TREM2: variants seen among roughly 807,000 people sequenced by gnomAD.
TREM2 encodes triggering receptor expressed on monocytes 2.
A neutral mutation model predicts 22.9 loss-of-function variants in TREM2; 20 were observed. That is an observed-to-expected ratio of 0.87 (90% confidence interval 0.61 to 1.27). The LOEUF (loss-of-function observed/expected upper bound fraction) is 1.27. Ranked by LOEUF, TREM2 falls within the 50% of genes most tolerant of loss-of-function variation. The probability of loss-of-function intolerance (pLI) is 0.00; values close to 1 mark genes in which losing one functional copy is unlikely to be tolerated. For missense variants in TREM2, 267 were observed against 289.0 expected, an observed-to-expected ratio of 0.92 and a Z score of 0.55; for synonymous variants, 111 against 120.9, an observed-to-expected ratio of 0.92 and a Z score of 0.54.
At position 41,158,573 on chromosome 6, in the gene TREM2, G is replaced by A. The variant is rs1029460991; in HGVS notation, c.*191C>T. 1.9e-6 allele frequency: 3 copies of A among 1,544,232 alleles called. No homozygotes were observed. The highest frequency in any genetic ancestry group is 2.7e-5 in the African/African-American group (2 of 72,832). ...TTAAAATGTCCAATATTCAGAAGTTGTCAGGTGTTCTTACCACCTCCCCAC... is the reference window on the plus strand; with the variant it reads ...TTAAAATGTCCAATATTCAGAAGTTATCAGGTGTTCTTACCACCTCCCCAC... On this transcript the variant is annotated 3_prime_UTR_variant, in exon 5 of 5. Transcript: ENST00000373113.
Position 41,158,943 on chromosome 6 carries a change from CT to C in TREM2, c.605del (p.Lys202SerfsTer26). 1 of 1,614,222 alleles carries C rather than the reference CT, an allele frequency of 6.2e-7. No homozygotes were observed. Among genetic ancestry groups the C allele is most frequent in the Non-Finnish European group, 8.5e-7 (1 of 1,180,034 alleles). ...ALWAAAWHGQKPGTHPPSELD... is the reference protein window; with the variant it reads ...ALWAAAWHGQXPGTHPPSELD... ...GTTCACTGGGTGGATGTGTCCCTGG[CT>C]TCTGTCCATGCCAGGCTGCAGCCCA... On this transcript the variant is annotated frameshift_variant, in exon 4 of 5. Coordinates refer to ENST00000373113, the MANE Select transcript of TREM2 (RefSeq NM_018965.4). LOFTEE classifies it high-confidence loss of function.
intron 1 of TREM2, 42 bp downstream of exon 1, chr6:41,163,001 G>T: frequency 2.5e-6 from 4 of 1,614,012 alleles, no homozygotes; most frequent in Non-Finnish European, 3.4e-6. Flanking sequence ...CATGCTCAAA[G>T]TGAGGGAGAG....
intron 1 of TREM2, 63 bp downstream of exon 1, chr6:41,162,980 C>T (rs199691535): frequency 1.4e-5 from 22 of 1,611,078 alleles, no homozygotes; most frequent in South Asian, 1.3e-4. Flanking sequence ...CCACCACCCG[C>T]GCCCCAACCA....
In TREM2 at chr6:41,161,328, T is replaced by C. The variant is rs1765557683; in HGVS notation, c.326A>G (p.Gln109Arg). The change falls in exon 2 of 5, where the codon CAG (glutamine) becomes CGG (arginine). Residue 109 changes from glutamine (Q) to arginine (R), a missense_variant. Coordinates refer to ENST00000373113, the MANE Select transcript of TREM2 (RefSeq NM_018965.4). Reference sequence around the variant, plus strand: ...CTCACTGCCATGGAGGCTCTGGCACTGGTAGAGACCCGCATCATGGGGTTG... The same window carrying C: ...CTCACTGCCATGGAGGCTCTGGCACCGGTAGAGACCCGCATCATGGGGTTG... Reference protein sequence around the residue: ...NLQPHDAGLYQCQSLHGSEAD... With the variant: ...NLQPHDAGLYRCQSLHGSEAD... The C allele has an allele frequency of 6.2e-7, 1 of 1,614,110 alleles. No individual in the cohort carries two copies. Among genetic ancestry groups the C allele is most frequent in the Non-Finnish European group, 8.5e-7 (1 of 1,180,044 alleles).
chr6:41,158,778 G>C lies in TREM2; in HGVS notation c.679C>G (p.Leu227Val), dbSNP rs755504623. 6.2e-7 allele frequency: 1 copy of C among 1,614,196 alleles called. No individual in the cohort carries two copies. Among genetic ancestry groups the C allele is most frequent in the East Asian group, 2.2e-5 (1 of 44,878 alleles). Residue 227 changes from leucine (L) to valine (V), a missense_variant and splice_region_variant, in exon 5 of 5, where the codon CTG (leucine) becomes GTG (valine). Leu to Val is a conservative substitution (Grantham distance 32). Coordinates refer to ENST00000373113, the MANE Select transcript of TREM2 (RefSeq NM_018965.4). The part of the protein sequence containing the change: ...PGYQLQTLPG[L>V]RDT ...ATCATCTTCCTTCACGTGTCTCTCA[G>C]CCCTGCAATAGTCCAAGGACTCATG...
chr6:41,160,762 A>G (rs912693830), intron 2 of TREM2, among the ~76,000 whole-genome samples: 9 of 152,192 alleles, frequency 5.9e-5, no homozygotes, highest in Non-Finnish European at 1.5e-5. Context: ...GGCCCAGAGA[A>G]GTGAAGCACA....
In TREM2 at chr6:41,161,294, G is replaced by T. The variant is rs1026231046; in HGVS notation, c.360C>A (p.Thr120=). 1 of 1,614,118 alleles carries T rather than the reference G, an allele frequency of 6.2e-7. No homozygotes were observed. The highest frequency in any genetic ancestry group is 8.5e-7 in the Non-Finnish European group (1 of 1,179,998). ...GCACCTCCACCAGGACCTTCCTGAGGGTGTCAGCCTCACTGCCATGGAGGC... is the reference window on the plus strand; with the variant it reads ...GCACCTCCACCAGGACCTTCCTGAGTGTGTCAGCCTCACTGCCATGGAGGC... ...CQSLHGSEAD[T]LRKVLVEVLA... Residue 120 remains threonine (T), a synonymous_variant, in exon 2 of 5, where the codon ACC becomes ACA. Coordinates refer to ENST00000373113, the MANE Select transcript of TREM2 (RefSeq NM_018965.4).
Position 41,161,383 on chromosome 6 carries a change from C to T in TREM2, c.271G>A (p.Gly91Ser). 2.5e-6 allele frequency: 4 copies of T among 1,614,242 alleles called. No homozygotes were observed. The highest frequency in any genetic ancestry group is 2.5e-6 in the Non-Finnish European group (3 of 1,180,048). Residue 91 changes from glycine to serine, a missense_variant, in exon 2 of 5, where the codon GGC (glycine) becomes AGC (serine). Gly to Ser is a moderately conservative substitution (Grantham distance 56). Coordinates refer to ENST00000373113, the MANE Select transcript of TREM2 (RefSeq NM_018965.4). ...TTCCGCAGCGTAATGGTGAGAGTGC[C>T]ACCCAGGGTATCGTCTGTGATGGCT... ...STAITDDTLG[G>S]TLTITLRNLQ...
intron 3 of TREM2, 98 bp from the exon 4 acceptor site, chr6:41,159,164 C>T: frequency 2.8e-6 from 4 of 1,436,384 alleles, no homozygotes; most frequent in Non-Finnish European, 3.8e-6. Flanking sequence ...TCTAGGACCT[C>T]AGCAAATCCC....
In TREM2 at chr6:41,159,015, G is replaced by T. The variant is rs1435456359; in HGVS notation, c.534C>A (p.Leu178=). The stretch of plus-strand genomic sequence containing the variant: ...TCTTGATGAGAAAGATGCAGGCCAG[G>T]AGGAGAAGGATGGAAGTGGGTGGGA... ...IPFPPTSILL[L]LACIFLIKIL... Residue 178 remains leucine, a synonymous_variant, in exon 4 of 5, where the codon CTC becomes CTA. Transcript: ENST00000373113. 3.7e-6 allele frequency: 6 copies of T among 1,614,070 alleles called. No homozygotes were observed. The highest frequency in any genetic ancestry group is 1.3e-5 in the African/African-American group (1 of 74,944).
chr6:41,161,657 C>A (rs772459581), intron 1 of TREM2, 44 bp from the exon 2 acceptor site: 2 of 1,510,584 alleles, frequency 1.3e-6, no homozygotes, highest in East Asian at 2.3e-5. Context: ...ACCAAATACG[C>A]TTTGAACACT....
rs1765487522 is a variant in TREM2, at chr6:41,158,927, G to C, written c.622C>G (p.Pro208Ala). Residue 208 changes from proline to alanine, a missense_variant, in exon 4 of 5, where the codon CCC (proline) becomes GCC (alanine). By Grantham distance (27) the Pro-to-Ala change is conservative. Transcript: ENST00000373113. Reference sequence around the variant, plus strand: ...TCATGGCCACAGTCCAGTTCACTGGGTGGATGTGTCCCTGGCTTCTGTCCA... The same window carrying C: ...TCATGGCCACAGTCCAGTTCACTGGCTGGATGTGTCCCTGGCTTCTGTCCA... ...WHGQKPGTHP[P>A]SELDCGHDPG... 6.2e-7 allele frequency: 1 copy of C among 1,614,252 alleles called. No homozygotes were observed.
rs189048121 is a variant in TREM2 at position 41,162,602 on chromosome 6, C to A, written c.40+441G>T. On this transcript the variant is annotated intron_variant, in intron 1 of 4. Coordinates refer to ENST00000373113, the MANE Select transcript of TREM2 (RefSeq NM_018965.4). Reference sequence around the variant, plus strand: ...GCTGAGGACAAGGGGACCTTCAGAGCAGGGGAGAGAGTGCCCCAAAGATGC... The same window carrying A: ...GCTGAGGACAAGGGGACCTTCAGAGAAGGGGAGAGAGTGCCCCAAAGATGC... Among the ~76,000 whole-genome samples, 581 of 152,320 alleles carry A rather than the reference C, an allele frequency of 3.8e-3. 3 individuals carry two copies. Among genetic ancestry groups the A allele is most frequent in the Admixed American group, 0.016 (245 of 15,302 alleles).
Position 41,161,576 on chromosome 6 carries a change from G to A in TREM2, c.78C>T (p.Gly26=), listed in dbSNP as rs34741596. Residue 26 remains glycine, a synonymous_variant, in exon 2 of 5, where the codon GGC becomes GGT. Coordinates refer to ENST00000373113, the MANE Select transcript of TREM2 (RefSeq NM_018965.4). The stretch of plus-strand genomic sequence containing the variant: ...ACACCTGCAGGGACTGGCCCGCCAC[G>A]CCCTGGAACACTGTGGTGTTGTGGG... The part of the protein sequence containing the change: ...SGAHNTTVFQ[G]VAGQSLQVSC... 32 of 1,613,748 alleles carry A rather than the reference G, an allele frequency of 2.0e-5. No homozygotes were observed. The highest frequency in any genetic ancestry group is 1.6e-4 in the Middle Eastern group (1 of 6,078).
At chr6:41,160,561 G>A (rs1765536142) in intron 2 of TREM2, among the ~76,000 whole-genome samples, 2 of 152,058 alleles carry the variant, frequency 1.3e-5, no homozygotes, top group Non-Finnish European at 2.9e-5. Context: ...AGAGCTCGGG[G>A]GTGGAAAGGA....
At chr6:41,159,106 C>T in intron 3 of TREM2, 40 bp from the exon 4 acceptor site, 2 of 1,585,334 alleles carry the variant, frequency 1.3e-6, no homozygotes, top group Non-Finnish European at 1.7e-6. Context: ...CTTGAGATGG[C>T]CTACAGATTA....
intron 2 of TREM2, 43 bp from the exon 3 acceptor site, chr6:41,159,925 G>A (rs147769114): frequency 1.3e-5 from 20 of 1,559,948 alleles, no homozygotes; most frequent in East Asian, 6.8e-5. Context: ...CTTCCTCCTC[G>A]AGGCAGGGGG....
rs779960537 is a variant in TREM2, at chr6:41,159,052, C to T, written c.497G>A (p.Gly166Glu). 58 of 1,613,126 alleles carry T rather than the reference C, an allele frequency of 3.6e-5. No individual in the cohort carries two copies. Among genetic ancestry groups the T allele is most frequent in the Non-Finnish European group, 4.9e-5 (58 of 1,179,626 alleles). ...EHSISRSLLE[G>E]EIPFPPTSIL... ...GGAAGTGGGTGGGAAGGGGATTTCT[C>T]CTTCCAAGAGGCTCCTTGGAGAGAC... The change falls in exon 4 of 5, where the codon GGA (glycine) becomes GAA (glutamate). Residue 166 changes from glycine (G) to glutamate (E), a missense_variant. Coordinates refer to ENST00000373113, the MANE Select transcript of TREM2 (RefSeq NM_018965.4).
intron 2 of TREM2, 47 bp from the exon 3 acceptor site, chr6:41,159,929 C>A: frequency 1.3e-6 from 2 of 1,538,742 alleles, no homozygotes; most frequent in Non-Finnish European, 1.8e-6. Flanking sequence ...CTCCTCGAGG[C>A]AGGGGGAGAA....
Sources: allele counts gnomAD v4.1 joint callset (sites outside exome capture counted in the v4.1 genomes callset), GRCh38; gene constraint gnomAD v4.1.1; transcripts MANE v1.5; gene names NCBI Gene and HGNC (gene_info 2026-07-23, HGNC 2026-07-21).